The following CYYR1 variants were observed in gnomAD, a reference collection of about 807,000 sequenced individuals.
The protein encoded by CYYR1 is cysteine and tyrosine-rich protein 1.
Under a neutral mutation model 15.2 loss-of-function variants are expected in CYYR1, and 14 were observed. The observed-to-expected ratio is 0.92, with a 90% CI of 0.61 to 1.44. The LOEUF is 1.44. Among genes scored for constraint, CYYR1 ranks in the 40% most tolerant of loss-of-function variants. The pLI is 0.00. For synonymous variants in CYYR1, 80 were observed against 77.4 expected (o/e 1.03, Z -0.18); for missense variants, 228 against 209.5 (o/e 1.09, Z -0.54).
chr21:26,488,139 C>T (rs1271510319), intron 2 of CYYR1, among the ~76,000 whole-genome samples: 1 of 152,016 alleles, frequency 6.6e-6, no homozygotes, highest in African/African-American at 2.4e-5. Context: ...TGACTCAAGC[C>T]CCATGACAGA....
At chr21:26,517,797 C>T (rs1012007107) in intron 2 of CYYR1, among the ~76,000 whole-genome samples, 2 of 152,118 alleles carry the variant, frequency 1.3e-5, no homozygotes, top group African/African-American at 4.8e-5. Flanking sequence ...TTCAGGCTAT[C>T]CTCCCACCTC....
At position 26,468,524 on chromosome 21, in the gene CYYR1, A is replaced by G; in HGVS notation, c.445T>C (p.Tyr149His). The G allele has an allele frequency of 6.3e-7, 1 of 1,597,690 alleles. No individual in the cohort carries two copies. The highest frequency in any genetic ancestry group is 8.6e-7 in the Non-Finnish European group (1 of 1,165,092). The change falls in exon 4 of 4, where the codon TAT (tyrosine) becomes CAT (histidine). Residue 149 changes from tyrosine (Y) to histidine (H), a missense_variant. Transcript: ENST00000652641. ...GPAQRSPPPPYPGNARK is the reference protein window; with the variant it reads ...GPAQRSPPPPHPGNARK Reference sequence around the variant, plus strand: ...GATTATTTCCTTGCGTTTCCAGGATAAGGAGGGGGTGGAGAACGCTGTGCT... The same window carrying G: ...GATTATTTCCTTGCGTTTCCAGGATGAGGAGGGGGTGGAGAACGCTGTGCT...
intron 2 of CYYR1, among the ~76,000 whole-genome samples, chr21:26,507,596 T>C (rs969126964): frequency 6.6e-6 from 1 of 152,144 alleles, no homozygotes; most frequent in Non-Finnish European, 1.5e-5. Flanking sequence ...AATTATTTAA[T>C]AGCAATGGCT....
chr21:26,486,583 C>A (rs1336979730), intron 2 of CYYR1, among the ~76,000 whole-genome samples: 2 of 151,976 alleles, frequency 1.3e-5, no homozygotes, highest in Non-Finnish European at 2.9e-5. Flanking sequence ...AATCAGTTGG[C>A]CTGTGCAGGA....
intron 3 of CYYR1, among the ~76,000 whole-genome samples, chr21:26,478,850 G>A (rs1237564981): frequency 6.6e-6 from 1 of 152,090 alleles, no homozygotes; most frequent in Non-Finnish European, 1.5e-5. Context: ...GAGCCAAGAA[G>A]TTTTCCTGGT....
At chr21:26,516,971 C>A (rs970834385) in intron 2 of CYYR1, among the ~76,000 whole-genome samples, 1 of 150,208 alleles carries the variant, frequency 6.7e-6, no homozygotes, top group Non-Finnish European at 1.5e-5. Flanking sequence ...AAAAATTAGC[C>A]GGGCGTGGTA....
At chr21:26,498,478 A>G (rs905125315) in intron 2 of CYYR1, among the ~76,000 whole-genome samples, 29 of 152,214 alleles carry the variant, frequency 1.9e-4, no homozygotes, top group Middle Eastern at 3.2e-3. Flanking sequence ...GAAAAGTTCA[A>G]TACAGCAAGT....
intron 2 of CYYR1, among the ~76,000 whole-genome samples, chr21:26,563,075 C>T (rs1368688499): frequency 6.6e-6 from 1 of 152,052 alleles, no homozygotes; most frequent in Non-Finnish European, 1.5e-5. Flanking sequence ...TTATTAAATT[C>T]TGGATAATAC....
intron 2 of CYYR1, among the ~76,000 whole-genome samples, chr21:26,530,007 G>A (rs1368420302): frequency 6.6e-6 from 1 of 152,176 alleles, no homozygotes; most frequent in African/African-American, 2.4e-5. Flanking sequence ...ACTGACATAT[G>A]TTGACATACA....
intron 2 of CYYR1, among the ~76,000 whole-genome samples, chr21:26,530,782 G>A (rs1224727801): frequency 1.3e-5 from 2 of 152,148 alleles, no homozygotes; most frequent in African/African-American, 2.4e-5. Flanking sequence ...TGCCTGCAAA[G>A]GACATGAACT....
intron 2 of CYYR1, among the ~76,000 whole-genome samples, chr21:26,524,155 G>A (rs138954725): frequency 5.8e-4 from 88 of 152,280 alleles, no homozygotes; most frequent in African/African-American, 2.0e-3. Flanking sequence ...TATGCCGGGG[G>A]TTGTTTTGCA....
At chr21:26,512,957 T>A (rs2065670714) in intron 2 of CYYR1, among the ~76,000 whole-genome samples, 1 of 152,166 alleles carries the variant, frequency 6.6e-6, no homozygotes, top group Non-Finnish European at 1.5e-5. Flanking sequence ...GCGTTTAACA[T>A]TTTTCACAAT....
In CYYR1 at chr21:26,525,777, A is replaced by T. The variant is rs987416820; in HGVS notation, c.176+40489T>A. Among the ~76,000 whole-genome samples, 5 of 152,214 alleles carry T rather than the reference A, an allele frequency of 3.3e-5. No individual in the cohort carries two copies. In the East Asian group the frequency reaches 9.6e-4, roughly 29 times the overall value. On this transcript the variant is annotated intron_variant, in intron 2 of 3. Coordinates refer to ENST00000652641, the MANE Select transcript of CYYR1 (RefSeq NM_001320768.2). ...ACATGTGAATCATTTTACTGTGTTA[A>T]CATTATGGATGGTTCCCATTGAATG... is the stretch of plus-strand genomic sequence containing the variant.
chr21:26,537,054 G>C (rs1978309599), intron 2 of CYYR1, among the ~76,000 whole-genome samples: 1 of 152,162 alleles, frequency 6.6e-6, no homozygotes, highest in Admixed American at 6.6e-5. Context: ...AATCTTATCT[G>C]GTGTGCGGGT....
intron 2 of CYYR1, among the ~76,000 whole-genome samples, chr21:26,553,233 G>A (rs1826131895): frequency 6.6e-6 from 1 of 151,968 alleles, no homozygotes; most frequent in African/African-American, 2.4e-5. Context: ...TCCCCTATAG[G>A]TAATGTTTTG....
chr21:26,502,683 G>A (rs1416340699), intron 2 of CYYR1, among the ~76,000 whole-genome samples: 1 of 152,034 alleles, frequency 6.6e-6, no homozygotes. Flanking sequence ...ATAAGCAGGT[G>A]TCCTCATAAG....
chr21:26,550,673 C>T (rs1200472771), intron 2 of CYYR1: 5 of 152,162 alleles, frequency 3.3e-5, no homozygotes, highest in African/African-American at 1.2e-4. Flanking sequence ...GGCTTTAACT[C>T]TCTTCAAGTT....
intron 3 of CYYR1, among the ~76,000 whole-genome samples, chr21:26,469,907 A>G (rs149586805): frequency 6.6e-6 from 1 of 152,202 alleles, no homozygotes; most frequent in African/African-American, 2.4e-5. Flanking sequence ...GTACTCCTTG[A>G]GCTGAAATTT....
chr21:26,564,682 G>A lies in CYYR1; in HGVS notation c.176+1584C>T, dbSNP rs1187514014. ...ACCAGGGTGGAGGTAGCTATGGAGT[G>A]AGAAAGAGGGCACACAGCACACTCC... On this transcript the variant is annotated intron_variant, in intron 2 of 3. Transcript: ENST00000652641. 2.8e-6 allele frequency: 3 copies of A among 1,088,842 alleles called. No homozygotes were observed. The African/African-American group carries it at 4.9e-5, about 18-fold the overall frequency. 67.4% of individuals were successfully genotyped at this position (1,088,842 alleles called of 1,614,324 possible).
Sources: gnomAD v4.1 joint callset for allele counts (sites outside exome capture counted in the v4.1 genomes callset) on GRCh38, gnomAD v4.1.1 for gene constraint, MANE v1.5 for transcripts, NCBI Gene and HGNC (gene_info 2026-07-23, HGNC 2026-07-21) for gene names.